CDKL5: variants seen among roughly 807,000 people sequenced by gnomAD.
CDKL5 encodes the protein cyclin-dependent kinase-like 5.
In CDKL5, 8 loss-of-function variants were observed where a neutral mutation model predicts 61.7. The ratio of observed to expected loss-of-function variants is 0.13; its 90% CI spans 0.08 to 0.23. The LOEUF is 0.23. Ranked by LOEUF, CDKL5 falls within the 10% of genes least tolerant of loss-of-function variation. The pLI is 1.00. For synonymous variants in CDKL5, 275 were observed against 272.3 expected (o/e 1.01, Z -0.10); for missense variants, 440 against 734.5 (o/e 0.60, Z 4.63).
At chrX:18,579,752 T>C (rs1161405833) in intron 5 of CDKL5, 96 bp from the exon 6 acceptor site, 9 of 840,467 alleles carry the variant, frequency 1.1e-5, no homozygotes, top group Non-Finnish European at 1.6e-5. Flanking sequence ...AAAAGCTCTG[T>C]ATTGGATGAA....
At chrX:18,553,512 CAG>C (rs1924480470) in intron 3 of CDKL5, among the ~76,000 whole-genome samples, 1 of 103,812 alleles carries the variant, frequency 9.6e-6, no homozygotes, top group South Asian at 4.3e-4. Context: ...GTTTTGGAGA[CAG>C]AGTCTCACTC....
At chrX:18,590,274 A>G (rs1281431506) in intron 9 of CDKL5, among the ~76,000 whole-genome samples, 2 of 111,938 alleles carry the variant, frequency 1.8e-5, no homozygotes, top group Non-Finnish European at 3.8e-5. Context: ...TTTAGGTCTA[A>G]CATTAAGTGT....
intron 3 of CDKL5, among the ~76,000 whole-genome samples, chrX:18,519,630 A>G (rs766022489): frequency 5.3e-4 from 59 of 111,722 alleles, no homozygotes; most frequent in African/African-American, 1.8e-3. Flanking sequence ...GGTACTGGGC[A>G]TACAGAGACG....
intron 4 of CDKL5, among the ~76,000 whole-genome samples, chrX:18,574,338 G>A (rs763039794): frequency 9.0e-6 from 1 of 111,455 alleles, no homozygotes; most frequent in East Asian, 2.8e-4. Context: ...GTCAGTTCAG[G>A]TGTTACCTCT....
chrX:18,631,587 G>C lies in CDKL5; in HGVS notation c.*2830G>C. ...AAAATTTGCCTTTTCTTTAGGAAGG[G>C]GAATTCATGACATCCATGTCCTATT... On this transcript the variant is annotated 3_prime_UTR_variant, in exon 18 of 18. Transcript: ENST00000623535. 2.7e-6 allele frequency: 2 copies of C among 754,131 alleles called. No individual in the cohort carries two copies. Among genetic ancestry groups the C allele is most frequent in the Non-Finnish European group, 3.1e-6 (2 of 639,207 alleles). 62.1% of individuals were successfully genotyped at this position (754,131 alleles called of 1,213,427 possible).
chrX:18,597,660 G>A (rs757286876), intron 10 of CDKL5, among the ~76,000 whole-genome samples: 4 of 91,912 alleles, frequency 4.4e-5, no homozygotes, highest in African/African-American at 4.2e-5. Flanking sequence ...GCAATGGTGT[G>A]ATCTCAGCTC....
chrX:18,481,370 T>TTCTTTCTTTCTTTC (rs1569192146), intron 1 of CDKL5, among the ~76,000 whole-genome samples: 1 of 92,992 alleles, frequency 1.1e-5, no homozygotes, highest in African/African-American at 4.1e-5. Flanking sequence ...CTTTCTTTCT[T>TTCTTTCTTTCTTTC]TTGAGGCAGG....
intron 5 of CDKL5, among the ~76,000 whole-genome samples, chrX:18,579,155 G>A (rs1925392232): frequency 9.0e-6 from 1 of 111,582 alleles, no homozygotes; most frequent in Non-Finnish European, 1.9e-5. Context: ...TTGTACCACG[G>A]GCCTTGTACT....
chrX:18,608,400 T>C (rs770341614), intron 12 of CDKL5, among the ~76,000 whole-genome samples: 14 of 112,171 alleles, frequency 1.2e-4, no homozygotes, highest in Admixed American at 3.8e-4. Context: ...CTGCATGAAA[T>C]ATACTTTTGG....
rs1328835310 is a variant in CDKL5 at position 18,638,945 on chromosome X, T to C, written c.*10188T>C. On this transcript the variant is annotated 3_prime_UTR_variant, in exon 18 of 18. Coordinates refer to ENST00000623535, the MANE Select transcript of CDKL5 (RefSeq NM_001323289.2). ...CAAGATCATTCAATGGGGGAAAGAA[T>C]AGTCTTTTCAGCAAATAGTGGTGGG... 8.9e-6 allele frequency among the ~76,000 whole-genome samples: 1 copy of C among 112,190 alleles called. No homozygotes were observed. Among genetic ancestry groups the C allele is most frequent in the Non-Finnish European group, 1.9e-5 (1 of 53,307 alleles).
At chrX:18,610,303 TC>T (rs749434387) in intron 14 of CDKL5, among the ~76,000 whole-genome samples, 2 of 112,775 alleles carry the variant, frequency 1.8e-5, no homozygotes, top group East Asian at 5.6e-4. Context: ...AATGTACTCT[TC>T]CTCCTGCTGG....
chrX:18,492,571 T>TC (rs1248944160), intron 1 of CDKL5, among the ~76,000 whole-genome samples: 2 of 111,564 alleles, frequency 1.8e-5, no homozygotes, highest in East Asian at 2.8e-4. Context: ...GTGTCTCTAC[T>TC]CATACATAGC....
intron 1 of CDKL5, among the ~76,000 whole-genome samples, chrX:18,433,456 A>G (rs1024699123): frequency 9.0e-6 from 1 of 111,635 alleles, no homozygotes; most frequent in Non-Finnish European, 1.9e-5. Flanking sequence ...AGCCTGAGGC[A>G]GAAGAATTGC....
chrX:18,491,001 A>G (rs1439671785), intron 1 of CDKL5, among the ~76,000 whole-genome samples: 6 of 111,899 alleles, frequency 5.4e-5, no homozygotes, highest in African/African-American at 1.6e-4. Flanking sequence ...TTTCCCTTTG[A>G]CATAAGTGAC....
chrX:18,595,432 A>G lies in CDKL5; in HGVS notation c.825+4A>G. 1.8e-6 allele frequency: 2 copies of G among 1,095,479 alleles called. No individual in the cohort carries two copies. The highest frequency in any genetic ancestry group is 2.5e-6 in the Non-Finnish European group (2 of 789,597). 90.3% of individuals were successfully genotyped at this position (1,095,479 alleles called of 1,213,427 possible). On this transcript the variant is annotated splice_donor_region_variant and intron_variant, in intron 10 of 17. Coordinates refer to ENST00000623535, the MANE Select transcript of CDKL5 (RefSeq NM_001323289.2). The stretch of plus-strand genomic sequence containing the variant: ...TGTTCTACTTGACCTAATGAAGGTA[A>G]GGCCAATTGATATTATCTCTATAAA...
chrX:18,641,691 C>T, downstream of CDKL5: 1 of 308,340 alleles, frequency 3.2e-6, no homozygotes, highest in Non-Finnish European at 5.8e-6. Context: ...TGAGACTGCA[C>T]CTTTCACAGT....
chrX:18,538,410 A>G (rs1013267411), intron 3 of CDKL5, among the ~76,000 whole-genome samples: 1 of 111,398 alleles, frequency 9.0e-6, no homozygotes, highest in Admixed American at 9.6e-5. Context: ...AATGTCTTTC[A>G]TGGACCAAAA....
downstream of CDKL5, among the ~76,000 whole-genome samples, chrX:18,643,666 T>C (rs1166299930): frequency 8.9e-6 from 1 of 111,904 alleles, no homozygotes; most frequent in Non-Finnish European, 1.9e-5. Flanking sequence ...GCCGTACAAA[T>C]TGTCATCAGA....
chrX:18,481,606 G>A (rs1921581231), intron 1 of CDKL5, among the ~76,000 whole-genome samples: 1 of 103,400 alleles, frequency 9.7e-6, no homozygotes, highest in African/African-American at 3.6e-5. Context: ...CAAGTGATCT[G>A]CCCGGCCTGT....
Sources: gnomAD v4.1 joint callset for allele counts (sites outside exome capture counted in the v4.1 genomes callset) on GRCh38, gnomAD v4.1.1 for gene constraint, MANE v1.5 for transcripts, NCBI Gene and HGNC (gene_info 2026-07-23, HGNC 2026-07-21) for gene names.